CCDC60: variants seen among roughly 807,000 people sequenced by gnomAD.
CCDC60 encodes the protein coiled-coil domain containing 60.
In CCDC60, 54 loss-of-function variants were observed where a neutral mutation model predicts 63.5. That is an observed-to-expected ratio of 0.85 (90% CI 0.68 to 1.07). CCDC60 has a LOEUF of 1.07. Among genes scored for constraint, CCDC60 ranks in the 50% least tolerant of loss-of-function variants. The pLI is 0.00. For synonymous variants in CCDC60, 206 were observed against 238.8 expected, an observed-to-expected ratio of 0.86 and a Z score of 1.27; for missense variants, 651 against 684.3, an observed-to-expected ratio of 0.95 and a Z score of 0.54.
intron 2 of CCDC60, among the ~76,000 whole-genome samples, chr12:119,442,336 G>A (rs1950463332): frequency 6.6e-6 from 1 of 152,210 alleles, no homozygotes; most frequent in South Asian, 2.1e-4. Flanking sequence ...AATGGGCCAG[G>A]TGCGGTGGCT....
At chr12:119,338,553 G>T (rs1045123465) in intron 1 of CCDC60, among the ~76,000 whole-genome samples, 4 of 152,128 alleles carry the variant, frequency 2.6e-5, no homozygotes, top group Non-Finnish European at 5.9e-5. Flanking sequence ...TATCTGTCTG[G>T]CTCTGAGCAC....
At chr12:119,432,029 G>A (rs1950238175) in intron 2 of CCDC60, among the ~76,000 whole-genome samples, 2 of 152,252 alleles carry the variant, frequency 1.3e-5, no homozygotes, top group South Asian at 2.1e-4. Context: ...TTCAGCTTAC[G>A]CCCAGGAATG....
chr12:119,470,723 C>T (rs933335551), intron 2 of CCDC60, among the ~76,000 whole-genome samples: 1 of 152,164 alleles, frequency 6.6e-6, no homozygotes, highest in Non-Finnish European at 1.5e-5. Context: ...ATCCTACTTT[C>T]TCCAGGAAGA....
chr12:119,528,381 G>T (rs1952749802), intron 11 of CCDC60, among the ~76,000 whole-genome samples: 1 of 152,136 alleles, frequency 6.6e-6, no homozygotes, highest in South Asian at 2.1e-4. Flanking sequence ...GGAAGAGAAT[G>T]AAAGCTAATA....
chr12:119,398,044 G>A (rs1162028637), intron 1 of CCDC60, among the ~76,000 whole-genome samples: 10 of 33,618 alleles, frequency 3.0e-4, no homozygotes, highest in South Asian at 2.9e-3. Flanking sequence ...AAGGGGCAGC[G>A]GGGGGGGAGG....
At chr12:119,337,627 C>A (rs1955485040) in intron 1 of CCDC60, among the ~76,000 whole-genome samples, 1 of 152,284 alleles carries the variant, frequency 6.6e-6, no homozygotes, top group African/African-American at 2.4e-5. Flanking sequence ...GTGCTAAACA[C>A]TTGCTCTAGT....
chr12:119,503,507 G>A (rs1951909345), intron 6 of CCDC60, among the ~76,000 whole-genome samples: 1 of 152,198 alleles, frequency 6.6e-6, no homozygotes, highest in Non-Finnish European at 1.5e-5. Flanking sequence ...GTTAAATCCA[G>A]TTCAAATTCC....
chr12:119,418,750 T>A (rs1186448047), intron 1 of CCDC60, among the ~76,000 whole-genome samples: 1 of 152,192 alleles, frequency 6.6e-6, no homozygotes, highest in Admixed American at 6.5e-5. Flanking sequence ...TCCCTAGTTA[T>A]CCCAGTCATG....
intron 2 of CCDC60, among the ~76,000 whole-genome samples, chr12:119,432,629 G>A (rs1056271293): frequency 1.3e-5 from 2 of 152,236 alleles, no homozygotes; most frequent in East Asian, 1.9e-4. Flanking sequence ...TGAGATAGAC[G>A]CCAATAGATG....
chr12:119,369,821 T>A (rs1955880028), intron 1 of CCDC60, among the ~76,000 whole-genome samples: 1 of 152,096 alleles, frequency 6.6e-6, no homozygotes, highest in Admixed American at 6.6e-5. Context: ...ATGGAGCAGG[T>A]GCCAGTAAAT....
intron 2 of CCDC60, among the ~76,000 whole-genome samples, chr12:119,444,384 A>G (rs1950500769): frequency 1.3e-5 from 2 of 152,194 alleles, no homozygotes; most frequent in African/African-American, 4.8e-5. Flanking sequence ...TTCCTTTCTC[A>G]TAGTCTCGTC....
chr12:119,339,542 TG>T (rs56315252), intron 1 of CCDC60, among the ~76,000 whole-genome samples: 99,649 of 151,894 alleles, frequency 0.66, 33,110 homozygotes, highest in East Asian at 0.82. Flanking sequence ...CTGAACACTT[TG>T]GGGGGGGCCG....
chr12:119,398,107 G>GGC (rs1449144172), intron 1 of CCDC60, among the ~76,000 whole-genome samples: 6 of 103,600 alleles, frequency 5.8e-5, no homozygotes, highest in East Asian at 7.9e-4. Context: ...GGGCGGTGTG[G>GGC]GGGGAGGAAG....
Position 119,479,167 on chromosome 12 carries a change from T to C in CCDC60, c.415T>C (p.Cys139Arg), listed in dbSNP as rs1951244854. Residue 139 changes from cysteine (C) to arginine (R), a missense_variant, in exon 4 of 14, where the codon TGC (cysteine) becomes CGC (arginine). Coordinates refer to ENST00000327554, the MANE Select transcript of CCDC60 (RefSeq NM_178499.5). ...TRRPFTPIHS[C>R]IISPSLTEAH... Reference sequence around the variant, plus strand: ...TCGCCCATTCACTCCCATCCACAGCTGCATCATTTCTCCCTCGCTAACCGA... The same window carrying C: ...TCGCCCATTCACTCCCATCCACAGCCGCATCATTTCTCCCTCGCTAACCGA... 1.2e-6 allele frequency: 2 copies of C among 1,613,936 alleles called. No individual in the cohort carries two copies. The highest frequency in any genetic ancestry group is 2.7e-5 in the African/African-American group (2 of 74,932).
intron 11 of CCDC60, among the ~76,000 whole-genome samples, chr12:119,528,073 A>G (rs2136521230): frequency 6.6e-6 from 1 of 152,188 alleles, no homozygotes; most frequent in African/African-American, 2.4e-5. Context: ...AATAATTTAG[A>G]GCCTTAGAGA....
At chr12:119,414,265 T>C (rs920120734) in intron 1 of CCDC60, among the ~76,000 whole-genome samples, 6 of 152,234 alleles carry the variant, frequency 3.9e-5, no homozygotes, top group African/African-American at 1.4e-4. Context: ...GAGATCTGCC[T>C]GCCGCAACCT....
At chr12:119,466,172 T>C (rs1950950518) in intron 2 of CCDC60, among the ~76,000 whole-genome samples, 3 of 152,146 alleles carry the variant, frequency 2.0e-5, no homozygotes, top group African/African-American at 7.2e-5. Context: ...TGACCATCTT[T>C]TTCTAAATGC....
chr12:119,457,049 T>C (rs997381303), intron 2 of CCDC60, among the ~76,000 whole-genome samples: 2 of 152,212 alleles, frequency 1.3e-5, no homozygotes, highest in African/African-American at 2.4e-5. Context: ...AAGCAATCTT[T>C]CTGTTCTACA....
chr12:119,464,780 A>G (rs1462477707), intron 2 of CCDC60, among the ~76,000 whole-genome samples: 1 of 152,166 alleles, frequency 6.6e-6, no homozygotes, highest in African/African-American at 2.4e-5. Flanking sequence ...GCAGAACTAC[A>G]GGTCACTCCG....
Sources: allele counts gnomAD v4.1 joint callset (sites outside exome capture counted in the v4.1 genomes callset), GRCh38; gene constraint gnomAD v4.1.1; transcripts MANE v1.5; gene names NCBI Gene and HGNC (gene_info 2026-07-23, HGNC 2026-07-21).